MAPK4: variants seen among roughly 807,000 people sequenced by gnomAD.
MAPK4 encodes the protein mitogen-activated protein kinase 4.
MAPK4 carries 22 observed loss-of-function variants against 47.7 expected under a neutral mutation model. The observed-to-expected ratio is 0.46, with a 90% CI of 0.33 to 0.66. The LOEUF (loss-of-function observed/expected upper bound fraction) is 0.66. MAPK4 is among the 30% of genes least tolerant of loss of function. MAPK4 has a pLI of 0.02. For missense variants in MAPK4, 736 were observed against 831.7 expected (o/e 0.88, Z 1.42); for synonymous variants, 390 against 365.7 (o/e 1.07, Z -0.76).
intron 2 of MAPK4, among the ~76,000 whole-genome samples, chr18:50,666,683 C>T (rs540428232): frequency 1.3e-5 from 2 of 152,220 alleles, no homozygotes; most frequent in Admixed American, 6.5e-5. Flanking sequence ...TAATAAAATT[C>T]GCTGTGGGAG....
chr18:50,728,033 T>G (rs917378992), intron 5 of MAPK4, among the ~76,000 whole-genome samples: 6 of 152,254 alleles, frequency 3.9e-5, no homozygotes, highest in Admixed American at 6.5e-5. Flanking sequence ...GCAGCGTCAC[T>G]GGGAGGCGGG....
intron 1 of MAPK4, among the ~76,000 whole-genome samples, chr18:50,640,200 T>C (rs989212588): frequency 6.6e-6 from 1 of 152,146 alleles, no homozygotes; most frequent in South Asian, 2.1e-4. Context: ...CTGTCAACAA[T>C]GAAGCATTTG....
chr18:50,662,237 G>A (rs775849241), intron 1 of MAPK4, among the ~76,000 whole-genome samples: 1 of 152,186 alleles, frequency 6.6e-6, no homozygotes, highest in Non-Finnish European at 1.5e-5. Flanking sequence ...TAGAAAACCT[G>A]CCAGTCTCTT....
intron 1 of MAPK4, among the ~76,000 whole-genome samples, chr18:50,602,194 A>G (rs1168185729): frequency 1.3e-5 from 2 of 152,228 alleles, no homozygotes; most frequent in Non-Finnish European, 2.9e-5. Context: ...GTCACCATGC[A>G]TATTAGCAAG....
At chr18:50,620,401 G>T (rs560530702) in intron 1 of MAPK4, among the ~76,000 whole-genome samples, 1 of 152,184 alleles carries the variant, frequency 6.6e-6, no homozygotes, top group African/African-American at 2.4e-5. Context: ...ATAAAATGCA[G>T]ATTTTTAGTT....
chr18:50,652,992 G>A (rs780718520), intron 1 of MAPK4, among the ~76,000 whole-genome samples: 1 of 151,942 alleles, frequency 6.6e-6, no homozygotes, highest in Non-Finnish European at 1.5e-5. Context: ...GACCAGCCTG[G>A]GTAACATGAT....
chr18:50,729,637 G>A lies in MAPK4; in HGVS notation c.1547G>A (p.Arg516His). 2.1e-6 allele frequency: 3 copies of A among 1,462,534 alleles called. No individual in the cohort carries two copies. The highest frequency in any genetic ancestry group is 2.7e-6 in the Non-Finnish European group (3 of 1,105,942). 90.6% of individuals were successfully genotyped at this position (1,462,534 alleles called of 1,614,324 possible). Reference protein sequence around the residue: ...HASPPADDPERRLSASPPGRP... With the variant: ...HASPPADDPEHRLSASPPGRP... Reference sequence around the variant, plus strand: ...AGCCCGCCCGCCGACGACCCCGAGCGCCGCTTGTCTGCCTCGCCCCCCGGC... The same window carrying A: ...AGCCCGCCCGCCGACGACCCCGAGCACCGCTTGTCTGCCTCGCCCCCCGGC... The change falls in exon 6 of 6, where the codon CGC (arginine) becomes CAC (histidine). Residue 516 changes from arginine to histidine, a missense_variant. Physicochemically the swap from Arg to His is conservative, Grantham distance 29. Coordinates refer to ENST00000400384, the MANE Select transcript of MAPK4 (RefSeq NM_002747.4).
chr18:50,573,867 T>G (rs1327775061), intron 1 of MAPK4, among the ~76,000 whole-genome samples: 1 of 152,228 alleles, frequency 6.6e-6, no homozygotes, highest in Non-Finnish European at 1.5e-5. Flanking sequence ...CAATGTCTTC[T>G]TTGAGCCTCC....
intron 1 of MAPK4, among the ~76,000 whole-genome samples, chr18:50,563,149 G>T (rs530535840): frequency 1.3e-5 from 2 of 152,204 alleles, no homozygotes; most frequent in South Asian, 4.1e-4. Flanking sequence ...CGTTATGAAA[G>T]ATACATAGAA....
At chr18:50,681,514 A>G (rs1248816948) in intron 2 of MAPK4, among the ~76,000 whole-genome samples, 2 of 152,076 alleles carry the variant, frequency 1.3e-5, no homozygotes, top group African/African-American at 4.8e-5. Context: ...GGTCATGAAG[A>G]TTTATGCCTA....
At chr18:50,578,669 C>T (rs555362909) in intron 1 of MAPK4, among the ~76,000 whole-genome samples, 22 of 152,150 alleles carry the variant, frequency 1.4e-4, no homozygotes, top group Non-Finnish European at 2.6e-4. Context: ...ACACCTAATG[C>T]ATGCTAGGTA....
intron 1 of MAPK4, among the ~76,000 whole-genome samples, chr18:50,572,716 T>A (rs946125023): frequency 6.6e-6 from 1 of 152,234 alleles, no homozygotes; most frequent in African/African-American, 2.4e-5. Flanking sequence ...ATTTACCTGC[T>A]GAATTTTCTC....
intron 1 of MAPK4, among the ~76,000 whole-genome samples, chr18:50,649,026 C>G (rs2043019520): frequency 6.6e-6 from 1 of 152,230 alleles, no homozygotes; most frequent in South Asian, 2.1e-4. Context: ...AGAGATCACT[C>G]TCAAAGGCGA....
At chr18:50,718,307 C>A (rs1910743808) in intron 3 of MAPK4, among the ~76,000 whole-genome samples, 1 of 152,188 alleles carries the variant, frequency 6.6e-6, no homozygotes, top group Admixed American at 6.5e-5. Flanking sequence ...GCAACCTCCA[C>A]CCCCCATTTC....
chr18:50,726,243 C>T, intron 5 of MAPK4, 68 bp downstream of exon 5: 1 of 1,450,124 alleles, frequency 6.9e-7, no homozygotes, highest in South Asian at 1.2e-5. Flanking sequence ...GCCTCTAATC[C>T]TCCGTGACCT....
At chr18:50,612,541 G>C (rs1000378631) in intron 1 of MAPK4, among the ~76,000 whole-genome samples, 7 of 152,224 alleles carry the variant, frequency 4.6e-5, no homozygotes, top group African/African-American at 1.4e-4. Context: ...TGCATACTGA[G>C]AGGAGGAATC....
At chr18:50,626,508 C>T (rs1232549786) in intron 1 of MAPK4, among the ~76,000 whole-genome samples, 8 of 152,074 alleles carry the variant, frequency 5.3e-5, no homozygotes, top group Non-Finnish European at 5.9e-5. Context: ...CTGGGATGGC[C>T]GAAGGGGTTG....
At chr18:50,665,378 C>A (rs530662935) in intron 2 of MAPK4, among the ~76,000 whole-genome samples, 1 of 152,334 alleles carries the variant, frequency 6.6e-6, no homozygotes, top group East Asian at 1.9e-4. Context: ...ATGTACCCTG[C>A]AACAGAGCTG....
rs995013550 is a variant in MAPK4, at chr18:50,721,278, G to A, written c.692-660G>A. ...GCCTCACCGATTCCCAGCAGTCAGC[G>A]TGATGCCTGGCATGGAGAAGGTGCT... On this transcript the variant is annotated intron_variant, in intron 3 of 5. Transcript: ENST00000400384. 5.9e-5 allele frequency among the ~76,000 whole-genome samples: 9 copies of A among 152,144 alleles called. No individual in the cohort carries two copies. In the South Asian group the frequency reaches 1.4e-3, roughly 25 times the overall value.
Sources: gnomAD v4.1 joint callset for allele counts (sites outside exome capture counted in the v4.1 genomes callset) on GRCh38, gnomAD v4.1.1 for gene constraint, MANE v1.5 for transcripts, NCBI Gene and HGNC (gene_info 2026-07-23, HGNC 2026-07-21) for gene names.